The following ZEB2 variants were observed in gnomAD, a reference collection of about 807,000 sequenced individuals.
ZEB2 encodes zinc finger E-box binding homeobox 2, also known as zinc finger E-box-binding homeobox 2.
ZEB2 carries 6 observed loss-of-function variants against 99.9 expected under a neutral mutation model. The observed-to-expected ratio is 0.06, with a 90% CI of 0.03 to 0.12. ZEB2 has a LOEUF of 0.12. Ranked by LOEUF, ZEB2 falls within the 10% of genes least tolerant of loss-of-function variation. The probability of loss-of-function intolerance (pLI) is 1.00; values close to 1 mark genes in which losing one functional copy is unlikely to be tolerated. For synonymous variants in ZEB2, 517 were observed against 542.5 expected (o/e 0.95, Z 0.65); for missense variants, 969 against 1,502.8 (o/e 0.64, Z 5.87).
chr2:144,507,441 A>G (rs1447692135), intron 2 of ZEB2: 1 of 152,214 alleles, frequency 6.6e-6, no homozygotes, highest in African/African-American at 2.4e-5. Context: ...TCAAATCTCA[A>G]TCCCTGGACC....
In ZEB2 at chr2:144,427,543, T is replaced by C. The variant is rs114637580; in HGVS notation, c.331+2226A>G. The C allele has an allele frequency of 5.3e-3, 805 of 152,284 alleles. 6 individuals carry two copies. Among genetic ancestry groups the C allele is most frequent in the African/African-American group, 0.018 (768 of 41,554 alleles). The allele number at this position is 152,284 out of a possible 1,614,324, so 9.4% of individuals were successfully genotyped here. On this transcript the variant is annotated intron_variant, in intron 3 of 9. Coordinates refer to ENST00000627532, the MANE Select transcript of ZEB2 (RefSeq NM_014795.4). ...TAGAGTTATTGTCTATATTGTGTGT[T>C]TTGAACAATAAATAAGAAAAATATT...
At chr2:144,451,838 C>T (rs960588456) in intron 2 of ZEB2, among the ~76,000 whole-genome samples, 5 of 152,214 alleles carry the variant, frequency 3.3e-5, no homozygotes, top group Non-Finnish European at 5.9e-5. Flanking sequence ...ATGGACACAT[C>T]GGTACGCATG....
rs1161830226 is a variant in ZEB2 at position 144,448,195 on chromosome 2, T to G, written c.74-18169A>C. Among the ~76,000 whole-genome samples the G allele has an allele frequency of 2.0e-5, 3 of 152,180 alleles. No individual in the cohort carries two copies. In the East Asian group the frequency reaches 5.8e-4, roughly 29 times the overall value. On this transcript the variant is annotated intron_variant, in intron 2 of 9. Transcript: ENST00000627532. ...TGTGACTTACAGTGGTAAGATTTTATTTTTACTCCGTTTCTAAGTTGGATA... is the reference window on the plus strand; with the variant it reads ...TGTGACTTACAGTGGTAAGATTTTAGTTTTACTCCGTTTCTAAGTTGGATA...
At chr2:144,447,544 A>C (rs371022768) in intron 2 of ZEB2, among the ~76,000 whole-genome samples, 29 of 152,298 alleles carry the variant, frequency 1.9e-4, no homozygotes, top group African/African-American at 6.7e-4. Flanking sequence ...TTTTGACTAG[A>C]AAACAACACA....
intron 3 of ZEB2, among the ~76,000 whole-genome samples, chr2:144,426,355 T>C (rs1703690403): frequency 6.6e-6 from 1 of 152,222 alleles, no homozygotes; most frequent in Non-Finnish European, 1.5e-5. Context: ...AAGGTATTTC[T>C]GAGAAGTTCA....
intron 2 of ZEB2, among the ~76,000 whole-genome samples, chr2:144,447,056 A>G (rs1256568140): frequency 6.6e-6 from 1 of 152,096 alleles, no homozygotes; most frequent in African/African-American, 2.4e-5. Context: ...ATAACTGTAA[A>G]TTTCAGTCAA....
intron 2 of ZEB2, among the ~76,000 whole-genome samples, chr2:144,441,966 A>G (rs1439559769): frequency 6.6e-6 from 1 of 152,224 alleles, no homozygotes; most frequent in African/African-American, 2.4e-5. Flanking sequence ...AGAAGTTTAC[A>G]TAGTCTGCAA....
chr2:144,499,791 A>C (rs1191763206), intron 2 of ZEB2, among the ~76,000 whole-genome samples: 3 of 152,126 alleles, frequency 2.0e-5, no homozygotes, highest in African/African-American at 7.2e-5. Flanking sequence ...CCAAATCTCC[A>C]TTAGTCAGAA....
chr2:144,452,636 A>G (rs1445427180), intron 2 of ZEB2, among the ~76,000 whole-genome samples: 4 of 152,050 alleles, frequency 2.6e-5, no homozygotes, highest in African/African-American at 4.8e-5. Context: ...ATCTGTTTGG[A>G]TTTCTGTAAA....
At chr2:144,412,928 C>A (rs576381907) in intron 4 of ZEB2, among the ~76,000 whole-genome samples, 4 of 152,262 alleles carry the variant, frequency 2.6e-5, no homozygotes, top group South Asian at 2.1e-4. Context: ...GTGCCTGGGT[C>A]ACAGTTATTA....
chr2:144,433,540 A>G (rs575950959), intron 2 of ZEB2, among the ~76,000 whole-genome samples: 1 of 152,332 alleles, frequency 6.6e-6, no homozygotes, highest in South Asian at 2.1e-4. Context: ...ATATGGGGTT[A>G]CCAAAGGGCA....
At chr2:144,431,642 C>T (rs1573745223) in intron 2 of ZEB2, among the ~76,000 whole-genome samples, 1 of 151,612 alleles carries the variant, frequency 6.6e-6, no homozygotes, top group African/African-American at 2.4e-5. Flanking sequence ...TAGGCAAGTT[C>T]AGGCTGGGTA....
rs865778883 is a variant in ZEB2, at chr2:144,459,821, G to A, written c.74-29795C>T. Among the ~76,000 whole-genome samples the A allele has an allele frequency of 3.9e-5, 6 of 152,230 alleles. No homozygotes were observed. In the South Asian group the frequency reaches 1.2e-3, roughly 32 times the overall value. ...AGCATAACCAAAATTATACAGGAAG[G>A]GTAAAAAGAGATCTTGCTACGTATG... On this transcript the variant is annotated intron_variant, in intron 2 of 9. Coordinates refer to ENST00000627532, the MANE Select transcript of ZEB2 (RefSeq NM_014795.4).
At chr2:144,433,273 C>A (rs1301387053) in intron 2 of ZEB2, among the ~76,000 whole-genome samples, 1 of 152,158 alleles carries the variant, frequency 6.6e-6, no homozygotes, top group East Asian at 1.9e-4. Context: ...GCATCAGTAT[C>A]CAAAACTCTC....
Position 144,388,492 on chromosome 2 carries a change from C to T in ZEB2, c.*959G>A, listed in dbSNP as rs995339152. The stretch of plus-strand genomic sequence containing the variant: ...GCCACATAAATAAAATGTTATTTGA[C>T]CTAAAATTAAATGAATGCAAAAAAA... On this transcript the variant is annotated 3_prime_UTR_variant, in exon 10 of 10. Transcript: ENST00000627532. The surrounding 1 kb of genome is among the most constrained non-coding windows in gnomAD (Gnocchi z 5.4). The T allele has an allele frequency of 2.6e-5, 4 of 154,042 alleles. No homozygotes were observed. Among genetic ancestry groups the T allele is most frequent in the African/African-American group, 9.7e-5 (4 of 41,338 alleles). 9.5% of individuals were successfully genotyped at this position (154,042 alleles called of 1,614,324 possible).
intron 2 of ZEB2, among the ~76,000 whole-genome samples, chr2:144,438,078 C>A (rs1703860742): frequency 6.6e-6 from 1 of 152,170 alleles, no homozygotes; most frequent in African/African-American, 2.4e-5. Context: ...TCTGAAGTAG[C>A]AACAGCTTGT....
At chr2:144,418,714 A>AAC (rs1703578670) in intron 4 of ZEB2, among the ~76,000 whole-genome samples, 1 of 151,078 alleles carries the variant, frequency 6.6e-6, no homozygotes, top group African/African-American at 2.5e-5. Flanking sequence ...AACAAAAAAA[A>AAC]AAAAAAACTG....
rs184940151 is a variant in ZEB2 at position 144,485,689 on chromosome 2, G to A, written c.73+31589C>T. Among the ~76,000 whole-genome samples, 388 of 152,042 alleles carry A rather than the reference G, an allele frequency of 2.6e-3. 3 individuals carry two copies. Among genetic ancestry groups the A allele is most frequent in the African/African-American group, 7.4e-3 (308 of 41,452 alleles). On this transcript the variant is annotated intron_variant, in intron 2 of 9. Transcript: ENST00000627532. ...AGCTGGGGTGCAACGGCATGATCTCGGCTCACTGCAACCTTCGCCTCTGGG... is the reference window on the plus strand; with the variant it reads ...AGCTGGGGTGCAACGGCATGATCTCAGCTCACTGCAACCTTCGCCTCTGGG...
intron 4 of ZEB2, among the ~76,000 whole-genome samples, chr2:144,419,502 T>G (rs1030145637): frequency 6.6e-6 from 1 of 152,158 alleles, no homozygotes; most frequent in African/African-American, 2.4e-5. Flanking sequence ...AGGGCCCTAT[T>G]TGGATATTGA....
Sources: gnomAD v4.1 joint callset for allele counts (sites outside exome capture counted in the v4.1 genomes callset) on GRCh38, gnomAD v4.1.1 for gene constraint, Gnocchi (gnomAD v3.1) non-coding constraint, MANE v1.5 for transcripts, NCBI Gene and HGNC (gene_info 2026-07-23, HGNC 2026-07-21) for gene names.